The following DPP6 variants were observed in gnomAD, a reference collection of about 807,000 sequenced individuals.
DPP6 encodes A-type potassium channel modulatory protein DPP6.
Under a neutral mutation model 122.6 loss-of-function variants are expected in DPP6, and 69 were observed. The observed-to-expected ratio is 0.56, with a 90% CI of 0.46 to 0.69. The LOEUF is 0.69. Ranked by LOEUF, DPP6 falls within the 30% of genes least tolerant of loss-of-function variation. DPP6 has a pLI of 0.00. For missense variants in DPP6, 928 were observed against 1,116.9 expected (o/e 0.83, Z 2.41); for synonymous variants, 418 against 433.1 (o/e 0.97, Z 0.43).
chr7:154,460,679 C>T (rs1432820065), intron 2 of DPP6, among the ~76,000 whole-genome samples: 1 of 152,220 alleles, frequency 6.6e-6, no homozygotes, highest in Admixed American at 6.5e-5. Flanking sequence ...AACACATTTA[C>T]AACATTCACT....
chr7:154,221,997 C>A (rs1308897625), intron 1 of DPP6, among the ~76,000 whole-genome samples: 1 of 152,100 alleles, frequency 6.6e-6, no homozygotes, highest in Non-Finnish European at 1.5e-5. Flanking sequence ...GATTCAGTTA[C>A]CATGGGGATA....
At position 154,584,506 on chromosome 7, in the gene DPP6, C is replaced by T. The variant is rs140051267; in HGVS notation, c.627+17590C>T. ...CCACAATAGAGCCTCGAGAAATATC[C>T]GACCCATTGCAAAATGGACCGTCCC... On this transcript the variant is annotated intron_variant, in intron 5 of 25. Transcript: ENST00000377770. Among the ~76,000 whole-genome samples the T allele has an allele frequency of 1.8e-3, 276 of 152,346 alleles. 2 individuals carry two copies. Among genetic ancestry groups the T allele is most frequent in the African/African-American group, 5.9e-3 (246 of 41,584 alleles).
At position 154,679,645 on chromosome 7, in the gene DPP6, G is replaced by A. The variant is rs967122694; in HGVS notation, c.762+10204G>A. ...AAGATTGATCTTTCCAGCAAGAGGA[G>A]AGTCTTTAATGAAATGTCCTATATG... On this transcript the variant is annotated intron_variant, in intron 7 of 25. Coordinates refer to ENST00000377770, the MANE Select transcript of DPP6 (RefSeq NM_130797.4). 2.0e-5 allele frequency among the ~76,000 whole-genome samples: 3 copies of A among 152,206 alleles called. No homozygotes were observed. The East Asian group carries it at 5.8e-4, about 29-fold the overall frequency.
chr7:154,510,971 CAGAG>C (rs376724364), intron 3 of DPP6, among the ~76,000 whole-genome samples: 4 of 120,310 alleles, frequency 3.3e-5, no homozygotes, highest in South Asian at 5.5e-4. Flanking sequence ...CACACACACA[CAGAG>C]AGAGAGAGAG....
chr7:154,434,034 A>G (rs1297658855), intron 1 of DPP6, among the ~76,000 whole-genome samples: 2 of 152,258 alleles, frequency 1.3e-5, no homozygotes, highest in Non-Finnish European at 2.9e-5. Context: ...TATAAGAACA[A>G]TAAAGGCGTC....
At chr7:154,598,015 T>C (rs2130763355) in intron 5 of DPP6, among the ~76,000 whole-genome samples, 1 of 152,312 alleles carries the variant, frequency 6.6e-6, no homozygotes, top group East Asian at 1.9e-4. Flanking sequence ...CACCTCCCAA[T>C]AAAGTCCCTT....
At position 154,431,400 on chromosome 7, in the gene DPP6, C is replaced by A. The variant is rs142816081; in HGVS notation, c.244-14814C>A. Among the ~76,000 whole-genome samples the A allele has an allele frequency of 2.2e-4, 33 of 152,070 alleles. No individual in the cohort carries two copies. The East Asian group carries it at 6.4e-3, about 29-fold the overall frequency. On this transcript the variant is annotated intron_variant, in intron 1 of 25. Transcript: ENST00000377770. ...CCCCCAGCTCCAAAGGCTCAGATAG[C>A]CGCTGTCGTCAAAACCTCATGTCAG... is the stretch of plus-strand genomic sequence containing the variant.
At chr7:154,783,286 T>G (rs903980148) in intron 10 of DPP6, among the ~76,000 whole-genome samples, 1 of 152,168 alleles carries the variant, frequency 6.6e-6, no homozygotes, top group Non-Finnish European at 1.5e-5. Flanking sequence ...TGCCTGTGAT[T>G]GCTGCGAAAT....
Position 154,769,402 on chromosome 7 carries a change from T to A in DPP6, c.884-15T>A. 6.2e-7 allele frequency: 1 copy of A among 1,613,226 alleles called. No homozygotes were observed. The highest frequency in any genetic ancestry group is 8.5e-7 in the Non-Finnish European group (1 of 1,179,690). Reference sequence around the variant, plus strand: ...CTTGTTACTATTCACATTTCTCTACTCTGTTTTCCCTTAGAGGAGATTTTG... The same window carrying A: ...CTTGTTACTATTCACATTTCTCTACACTGTTTTCCCTTAGAGGAGATTTTG... On this transcript the variant is annotated splice_polypyrimidine_tract_variant and intron_variant, in intron 8 of 25. Transcript: ENST00000377770.
chr7:154,297,452 C>A (rs1241982615), intron 1 of DPP6, among the ~76,000 whole-genome samples: 1 of 152,168 alleles, frequency 6.6e-6, no homozygotes, highest in Non-Finnish European at 1.5e-5. Flanking sequence ...CTTGCTACAC[C>A]TGGAAATCAA....
Position 154,661,946 on chromosome 7 carries a change from G to C in DPP6, c.681-7414G>C, listed in dbSNP as rs530452673. The stretch of plus-strand genomic sequence containing the variant: ...GAATCACCATGGCGTATTGGCGGTA[G>C]TGTTCATATAGTCATGGTGAATCAG... On this transcript the variant is annotated intron_variant, in intron 6 of 25. Transcript: ENST00000377770. Among the ~76,000 whole-genome samples, 10 of 151,258 alleles carry C rather than the reference G, an allele frequency of 6.6e-5. 1 individual carries two copies. In the South Asian group the frequency reaches 2.1e-3, roughly 32 times the overall value.
chr7:154,028,182 TATG>T (rs756513983), intron 1 of DPP6, among the ~76,000 whole-genome samples: 183 of 152,144 alleles, frequency 1.2e-3, no homozygotes, highest in Non-Finnish European at 2.2e-3. Flanking sequence ...AAGCTCCTAA[TATG>T]TTGTTGTTAA....
chr7:154,191,315 ACTT>A lies in DPP6; in HGVS notation c.243+138256_243+138258del, dbSNP rs201977272. ...CATTGACATTGAATATGTAGAGAACACTTCTTTTGTAGGCAGATAGACTTATTA... is the reference window on the plus strand; with the variant it reads ...CATTGACATTGAATATGTAGAGAACACTTTTGTAGGCAGATAGACTTATTA... On this transcript the variant is annotated intron_variant, in intron 1 of 25. Transcript: ENST00000377770. 1.4e-4 allele frequency among the ~76,000 whole-genome samples: 22 copies of A among 152,318 alleles called. No homozygotes were observed. In the East Asian group the frequency reaches 2.9e-3, roughly 20 times the overall value.
intron 1 of DPP6, among the ~76,000 whole-genome samples, chr7:154,252,235 T>TGCGC (rs1554501569): frequency 1.6e-3 from 237 of 149,444 alleles, no homozygotes; most frequent in African/African-American, 5.0e-3. Context: ...TGTGTGTGTG[T>TGCGC]GCGCGCATGC....
chr7:153,949,214 C>T (rs1802092279), intron 1 of DPP6, among the ~76,000 whole-genome samples: 1 of 152,196 alleles, frequency 6.6e-6, no homozygotes, highest in Admixed American at 6.5e-5. Flanking sequence ...CAGCTAAGTG[C>T]AGCCACAGAG....
chr7:154,726,330 C>G (rs545665748), intron 7 of DPP6, among the ~76,000 whole-genome samples: 1 of 152,334 alleles, frequency 6.6e-6, no homozygotes, highest in South Asian at 2.1e-4. Context: ...TCTGCCTGGA[C>G]TTCCAGGCAT....
At chr7:154,684,765 A>G (rs1473699897) in intron 7 of DPP6, among the ~76,000 whole-genome samples, 1 of 152,220 alleles carries the variant, frequency 6.6e-6, no homozygotes, top group Non-Finnish European at 1.5e-5. Flanking sequence ...CTCCATGGCC[A>G]TACAAAGTCG....
chr7:153,859,786 T>TCTTC, the DPP6 span, among the ~76,000 whole-genome samples: 567 of 152,304 alleles, frequency 3.7e-3, no homozygotes, highest in Non-Finnish European at 6.4e-3. Context: ...AGAAGGCACC[T>TCTTC]CTTCACAGGG....
intron 1 of DPP6, among the ~76,000 whole-genome samples, chr7:153,906,013 T>C (rs565934450): frequency 1.2e-4 from 19 of 152,280 alleles, no homozygotes; most frequent in Non-Finnish European, 2.5e-4. Context: ...AACGGAAGTG[T>C]TACACAGGTA....
Sources: allele counts gnomAD v4.1 joint callset (sites outside exome capture counted in the v4.1 genomes callset), GRCh38; gene constraint gnomAD v4.1.1; transcripts MANE v1.5; gene names NCBI Gene and HGNC (gene_info 2026-07-23, HGNC 2026-07-21).